SFSWAP: variants seen among roughly 807,000 people sequenced by gnomAD.
SFSWAP encodes the protein splicing factor SWAP.
A neutral mutation model predicts 100.7 loss-of-function variants in SFSWAP; 17 were observed. That is an observed-to-expected ratio of 0.17 (90% confidence interval 0.12 to 0.25). The LOEUF (loss-of-function observed/expected upper bound fraction) is 0.25, where lower values mean the gene tolerates loss of function less well. Among genes scored for constraint, SFSWAP ranks in the 10% least tolerant of loss-of-function variants. SFSWAP has a pLI of 1.00. For synonymous variants in SFSWAP, 504 were observed against 510.1 expected, an observed-to-expected ratio of 0.99 and a Z score of 0.16; for missense variants, 1,005 against 1,262.6, an observed-to-expected ratio of 0.80 and a Z score of 3.09.
chr12:131,767,350 A>G (rs1411424638), intron 13 of SFSWAP, among the ~76,000 whole-genome samples: 3 of 152,276 alleles, frequency 2.0e-5, no homozygotes, highest in Admixed American at 6.5e-5. Context: ...TCTTTATAGT[A>G]GTTATGTCTC....
rs143897781 is a variant in SFSWAP at position 131,735,784 on chromosome 12, T to A, written c.1081+7356T>A. On this transcript the variant is annotated intron_variant, in intron 7 of 17. Coordinates refer to ENST00000261674, the MANE Select transcript of SFSWAP (RefSeq NM_004592.4). ...TTATTTCAAGGACTTCATGGTTACT[T>A]CTCCCTCCTGGAGTTGCTCTATGGC... Among the ~76,000 whole-genome samples, 385 of 152,358 alleles carry A rather than the reference T, an allele frequency of 2.5e-3. 4 individuals are homozygous for A. The highest frequency in any genetic ancestry group is 3.4e-3 in the Non-Finnish European group (233 of 68,044).
At position 131,753,335 on chromosome 12, in the gene SFSWAP, G is replaced by C. The variant is rs149684834; in HGVS notation, c.1294G>C (p.Gly432Arg). 1 of 1,612,326 alleles carries C rather than the reference G, an allele frequency of 6.2e-7. No homozygotes were observed. Among genetic ancestry groups the C allele is most frequent in the Admixed American group, 1.7e-5 (1 of 59,966 alleles). The change falls in exon 8 of 18, where the codon GGG (glycine) becomes CGG (arginine). Residue 432 changes from glycine (G) to arginine (R), a missense_variant. Transcript: ENST00000261674. The stretch of plus-strand genomic sequence containing the variant: ...CCCAACCACAGCAGAGACTAGCAGC[G>C]GGGCCACCTCCACAACCACCACCAC... ...PPPTTAETSS[G>R]ATSTTTTTSA... is the part of the protein sequence containing the mutation.
intron 13 of SFSWAP, among the ~76,000 whole-genome samples, chr12:131,772,473 G>T (rs145725109): frequency 7.4e-4 from 113 of 152,306 alleles, no homozygotes; most frequent in African/African-American, 2.6e-3. Flanking sequence ...AGACTGGAGA[G>T]TTCCCTTGAC....
At chr12:131,722,980 A>G (rs538308375) in intron 4 of SFSWAP, among the ~76,000 whole-genome samples, 23 of 152,268 alleles carry the variant, frequency 1.5e-4, no homozygotes, top group African/African-American at 5.5e-4. Flanking sequence ...TAACTCTATG[A>G]AGCAAATACA....
rs1417789300 is a variant in SFSWAP at position 131,799,550 on chromosome 12, C to T, written c.*62C>T. The T allele has an allele frequency of 1.3e-5, 19 of 1,430,012 alleles. No homozygotes were observed. The highest frequency in any genetic ancestry group is 4.3e-5 in the African/African-American group (3 of 69,912). 88.6% of individuals were successfully genotyped at this position (1,430,012 alleles called of 1,614,324 possible). A position where few individuals can be genotyped will look rare whatever the true frequency, so the allele number is the denominator to read the frequency against. On this transcript the variant is annotated 3_prime_UTR_variant, in exon 18 of 18. Coordinates refer to ENST00000261674, the MANE Select transcript of SFSWAP (RefSeq NM_004592.4). The stretch of plus-strand genomic sequence containing the variant: ...GGGCTTCTGGGCAGGCTCACGCAGA[C>T]GCCGGCCACACCATCCACCTGGCCG...
chr12:131,775,025 T>C (rs1002270922), intron 13 of SFSWAP, among the ~76,000 whole-genome samples: 3 of 152,228 alleles, frequency 2.0e-5, no homozygotes, highest in African/African-American at 2.4e-5. Flanking sequence ...TTGTCTTGAC[T>C]GTGCCTCAGA....
At position 131,730,798 on chromosome 12, in the gene SFSWAP, A is replaced by G. The variant is rs1445362461; in HGVS notation, c.1081+2370A>G. On this transcript the variant is annotated intron_variant, in intron 7 of 17. Coordinates refer to ENST00000261674, the MANE Select transcript of SFSWAP (RefSeq NM_004592.4). The surrounding 1 kb of genome is among the most constrained non-coding windows in gnomAD (Gnocchi z 4.0). ...ACCCCACCCTATCCTCCCAACTGCA[A>G]GGGCTCTAGTAGGGGGTGCCCTCTC... 5.9e-5 allele frequency among the ~76,000 whole-genome samples: 9 copies of G among 152,248 alleles called. No homozygotes were observed. Among genetic ancestry groups the G allele is most frequent in the Non-Finnish European group, 1.2e-4 (8 of 67,988 alleles).
At chr12:131,768,853 G>A (rs952440469) in intron 13 of SFSWAP, among the ~76,000 whole-genome samples, 2 of 152,192 alleles carry the variant, frequency 1.3e-5, no homozygotes, top group African/African-American at 4.8e-5. Flanking sequence ...GCTGGACGTG[G>A]TGGCTCATAC....
intron 13 of SFSWAP, among the ~76,000 whole-genome samples, chr12:131,767,819 C>G (rs1883239303): frequency 6.6e-6 from 1 of 151,906 alleles, no homozygotes; most frequent in African/African-American, 2.4e-5. Context: ...ACAGCAGACT[C>G]GAGGGCTTCA....
intron 13 of SFSWAP, among the ~76,000 whole-genome samples, chr12:131,766,660 C>T (rs540108897): frequency 4.6e-5 from 7 of 152,316 alleles, no homozygotes; most frequent in Non-Finnish European, 1.0e-4. Flanking sequence ...GCCCCGCCTC[C>T]GCAGCAGCAC....
At chr12:131,727,315 A>G (rs1879074149) in intron 6 of SFSWAP, among the ~76,000 whole-genome samples, 1 of 152,246 alleles carries the variant, frequency 6.6e-6, no homozygotes, top group African/African-American at 2.4e-5. Flanking sequence ...CCTTTGAGAT[A>G]TTTAGAGTTC....
chr12:131,794,102 C>G lies in SFSWAP; in HGVS notation c.2535-3076C>G, dbSNP rs1311060179. On this transcript the variant is annotated intron_variant, in intron 15 of 17. Coordinates refer to ENST00000261674, the MANE Select transcript of SFSWAP (RefSeq NM_004592.4). This position sits in a 1 kb window ranked among gnomAD's most constrained non-coding sequence, Gnocchi z 4.8. Reference sequence around the variant, plus strand: ...ATAATTACCGAAAACTGGAAACAACCAAATCTCTATTAACAGGAGAATGAA... The same window carrying G: ...ATAATTACCGAAAACTGGAAACAACGAAATCTCTATTAACAGGAGAATGAA... Among the ~76,000 whole-genome samples, 1 of 152,194 alleles carries G rather than the reference C, an allele frequency of 6.6e-6. No individual in the cohort carries two copies. Among genetic ancestry groups the G allele is most frequent in the Non-Finnish European group, 1.5e-5 (1 of 68,030 alleles).
intron 14 of SFSWAP, among the ~76,000 whole-genome samples, chr12:131,781,042 G>C (rs1566053178): frequency 6.6e-6 from 1 of 152,086 alleles, no homozygotes. Context: ...GAGCTGAAAG[G>C]CTTCACCTAA....
At chr12:131,752,284 G>A (rs1343122540) in intron 7 of SFSWAP, among the ~76,000 whole-genome samples, 1 of 152,206 alleles carries the variant, frequency 6.6e-6, no homozygotes, top group East Asian at 1.9e-4. Context: ...TTAAATCTCT[G>A]TGTAGTCAGA....
At chr12:131,770,622 A>ATT (rs11455992) in intron 13 of SFSWAP, among the ~76,000 whole-genome samples, 1 of 151,920 alleles carries the variant, frequency 6.6e-6, no homozygotes. Context: ...TTTCTTGTGT[A>ATT]TTTTTTTAAT....
Position 131,753,297 on chromosome 12 carries a change from C to T in SFSWAP, c.1256C>T (p.Thr419Ile), listed in dbSNP as rs1881835916. ...TTTAPPPPGT[T>I]PLPPPTTAET... ...ACCGCCCCACCACCTCCTGGGACCA[C>T]ACCACTACCGCCCCCAACCACAGCA... Residue 419 changes from threonine (T) to isoleucine (I), a missense_variant, in exon 8 of 18, where the codon ACA (threonine) becomes ATA (isoleucine). Thr to Ile is a moderately conservative substitution (Grantham distance 89). This residue lies in a region of SFSWAP where 311 missense variants were observed against 317.8 expected (regional missense o/e 0.98). Coordinates refer to ENST00000261674, the MANE Select transcript of SFSWAP (RefSeq NM_004592.4). 3 of 1,611,912 alleles carry T rather than the reference C, an allele frequency of 1.9e-6. No homozygotes were observed. The highest frequency in any genetic ancestry group is 1.3e-5 in the African/African-American group (1 of 74,990).
Position 131,799,446 on chromosome 12 carries a change from G to A in SFSWAP, c.2814G>A (p.Ala938=), listed in dbSNP as rs760916678. The A allele has an allele frequency of 1.3e-5, 21 of 1,614,030 alleles. No homozygotes were observed. The Middle Eastern group carries it at 8.2e-4, about 63-fold the overall frequency. ...AGGATCTCATGGCCAAAGTCAGAGC[G>A]ATGCTTGCAGCTTCCAAAAACCTGC... The part of the protein sequence containing the change: ...ITQDLMAKVR[A]MLAASKNLQT... The change falls in exon 18 of 18, where the codon GCG becomes GCA. Residue 938 remains alanine, a synonymous_variant. Coordinates refer to ENST00000261674, the MANE Select transcript of SFSWAP (RefSeq NM_004592.4).
chr12:131,795,195 C>T (rs1885539562), intron 15 of SFSWAP, among the ~76,000 whole-genome samples: 1 of 152,192 alleles, frequency 6.6e-6, no homozygotes, highest in Non-Finnish European at 1.5e-5. Flanking sequence ...TCTGCCCGGG[C>T]CCAGCTCACC....
chr12:131,747,623 A>T (rs549949729), intron 7 of SFSWAP, among the ~76,000 whole-genome samples: 100 of 152,262 alleles, frequency 6.6e-4, no homozygotes, highest in Non-Finnish European at 3.4e-4. Context: ...CATGGAGGGC[A>T]GGAGGTGCTG....
Sources: gnomAD v4.1 joint callset for allele counts (sites outside exome capture counted in the v4.1 genomes callset) on GRCh38, gnomAD v4.1.1 for gene constraint, gnomAD v4.1.1 regional missense constraint, Gnocchi (gnomAD v3.1) non-coding constraint, MANE v1.5 for transcripts, NCBI Gene and HGNC (gene_info 2026-07-23, HGNC 2026-07-21) for gene names.